MAGI3: variants seen among roughly 807,000 people sequenced by gnomAD.
The protein encoded by MAGI3 is membrane associated guanylate kinase, WW and PDZ domain containing 3.
MAGI3 carries 43 observed loss-of-function variants against 121.8 expected under a neutral mutation model. That is an observed-to-expected ratio of 0.35 (90% CI 0.28 to 0.46). The LOEUF (loss-of-function observed/expected upper bound fraction) is 0.46. Ranked by LOEUF, MAGI3 falls within the 20% of genes least tolerant of loss-of-function variation. MAGI3 has a pLI of 1.00. For missense variants in MAGI3, 1,547 were observed against 1,797.3 expected, an observed-to-expected ratio of 0.86 and a Z score of 2.52; for synonymous variants, 553 against 639.3, an observed-to-expected ratio of 0.86 and a Z score of 2.04.
intron 1 of MAGI3, among the ~76,000 whole-genome samples, chr1:113,407,717 G>C (rs1190691410): frequency 6.6e-6 from 1 of 152,016 alleles, no homozygotes; most frequent in African/African-American, 2.4e-5. Context: ...AGTTACTGGT[G>C]AATCTAGGAT....
intron 1 of MAGI3, among the ~76,000 whole-genome samples, chr1:113,447,753 C>T (rs538031709): frequency 6.6e-6 from 1 of 151,868 alleles, no homozygotes; most frequent in South Asian, 2.1e-4. Context: ...ACTTGGGAGG[C>T]AGAGACAGGA....
At chr1:113,494,334 A>G (rs1656814260) in intron 1 of MAGI3, among the ~76,000 whole-genome samples, 1 of 152,062 alleles carries the variant, frequency 6.6e-6, no homozygotes. Context: ...ACACGGGAAC[A>G]ACACACGCTG....
intron 9 of MAGI3, among the ~76,000 whole-genome samples, chr1:113,628,746 C>T (rs1388161969): frequency 1.3e-5 from 2 of 152,180 alleles, no homozygotes; most frequent in African/African-American, 4.8e-5. Context: ...CCACTCTCTC[C>T]TGCCCTGTAA....
In MAGI3 at chr1:113,531,015, TA is replaced by T. The variant is rs1221848962; in HGVS notation, c.317-18499del. Reference sequence around the variant, plus strand: ...TTAAATGCAGAAATATATGGTGTCATAGGGGCTAGAGACATAAACTGTACTC... The same window carrying T: ...TTAAATGCAGAAATATATGGTGTCATGGGGCTAGAGACATAAACTGTACTC... On this transcript the variant is annotated intron_variant, in intron 1 of 20. Transcript: ENST00000307546. 4.6e-5 allele frequency among the ~76,000 whole-genome samples: 7 copies of T among 152,326 alleles called. No individual in the cohort carries two copies. In the East Asian group the frequency reaches 1.2e-3, roughly 25 times the overall value.
chr1:113,588,300 T>G (rs1648499186), intron 4 of MAGI3, among the ~76,000 whole-genome samples: 1 of 152,162 alleles, frequency 6.6e-6, no homozygotes, highest in Non-Finnish European at 1.5e-5. Flanking sequence ...CCTAGAATAT[T>G]CAGGCAATAG....
chr1:113,519,906 A>G (rs1658093435), intron 1 of MAGI3, among the ~76,000 whole-genome samples: 1 of 152,232 alleles, frequency 6.6e-6, no homozygotes, highest in African/African-American at 2.4e-5. Context: ...AAAATCCAGA[A>G]TCCCAGGGGC....
At chr1:113,596,740 GTGT>G (rs963449156) in intron 6 of MAGI3, among the ~76,000 whole-genome samples, 2 of 151,832 alleles carry the variant, frequency 1.3e-5, no homozygotes, top group Admixed American at 1.3e-4. Flanking sequence ...TAATCATTAG[GTGT>G]TTTGCAAATT....
At position 113,683,434 on chromosome 1, in the gene MAGI3, CA is replaced by C. The variant is rs1233616145; in HGVS notation, c.3872del (p.Lys1291SerfsTer19). The C allele has an allele frequency of 2.5e-6, 4 of 1,613,628 alleles. No homozygotes were observed. Among genetic ancestry groups the C allele is most frequent in the African/African-American group, 1.3e-5 (1 of 74,824 alleles). On this transcript the variant is annotated frameshift_variant, in exon 21 of 21. Transcript: ENST00000307546. LOFTEE classifies it low-confidence loss of function (END_TRUNC). ...CRKSRGRSAS[P>X]KKQQKIEGSK... ...AAAAGCAGAGGTCGGTCGGCCAGCCCAAAAAAGCAGCAAAAAATTGAAGGAA... is the reference window on the plus strand; with the variant it reads ...AAAAGCAGAGGTCGGTCGGCCAGCCCAAAAAGCAGCAAAAAATTGAAGGAA...
intron 1 of MAGI3, among the ~76,000 whole-genome samples, chr1:113,462,941 C>G (rs1356958547): frequency 6.6e-6 from 1 of 152,010 alleles, no homozygotes; most frequent in African/African-American, 2.4e-5. Flanking sequence ...TGTAATATAT[C>G]TTAGATTTAT....
chr1:113,511,952 A>G (rs2101612425), intron 1 of MAGI3, among the ~76,000 whole-genome samples: 1 of 152,264 alleles, frequency 6.6e-6, no homozygotes, highest in Middle Eastern at 3.4e-3. Flanking sequence ...TATGATCTTT[A>G]CCTCTTCCCC....
At chr1:113,442,911 C>G (rs1047149088) in intron 1 of MAGI3, among the ~76,000 whole-genome samples, 2 of 152,056 alleles carry the variant, frequency 1.3e-5, no homozygotes, top group Non-Finnish European at 2.9e-5. Flanking sequence ...ATAAGATCCT[C>G]AAAATTTATA....
At chr1:113,497,031 G>A (rs1398409544) in intron 1 of MAGI3, among the ~76,000 whole-genome samples, 2 of 152,214 alleles carry the variant, frequency 1.3e-5, no homozygotes, top group Non-Finnish European at 2.9e-5. Context: ...GCAAAGGCAG[G>A]CAGATCACTT....
At chr1:113,641,723 A>G (rs889732702) in intron 9 of MAGI3, among the ~76,000 whole-genome samples, 188 bp from the exon 10 acceptor site, 1 of 151,998 alleles carries the variant, frequency 6.6e-6, no homozygotes, top group Non-Finnish European at 1.5e-5. Flanking sequence ...TTAGACATTT[A>G]TACATACATT....
intron 19 of MAGI3, among the ~76,000 whole-genome samples, chr1:113,676,351 A>G (rs1647864712): frequency 6.6e-6 from 1 of 152,162 alleles, no homozygotes; most frequent in South Asian, 2.1e-4. Flanking sequence ...GGGTTACTTG[A>G]GCCCAGGAGT....
At chr1:113,453,861 A>G (rs1187681349) in intron 1 of MAGI3, among the ~76,000 whole-genome samples, 1 of 152,248 alleles carries the variant, frequency 6.6e-6, no homozygotes, top group Admixed American at 6.5e-5. Flanking sequence ...ACGCAATCTG[A>G]TTTCAGAGCT....
At chr1:113,556,271 C>T (rs1026426403) in intron 2 of MAGI3, among the ~76,000 whole-genome samples, 2 of 152,216 alleles carry the variant, frequency 1.3e-5, no homozygotes, top group South Asian at 4.2e-4. Context: ...ATACAAAGCT[C>T]ATTCTTTGAG....
chr1:113,472,628 CCTT>C (rs1289205305), intron 1 of MAGI3, among the ~76,000 whole-genome samples: 1 of 148,624 alleles, frequency 6.7e-6, no homozygotes, highest in Non-Finnish European at 1.5e-5. Context: ...TGCTCTGATT[CCTT>C]CTTCTTTATG....
chr1:113,589,777 C>T (rs111303558), intron 4 of MAGI3, among the ~76,000 whole-genome samples: 2 of 151,996 alleles, frequency 1.3e-5, no homozygotes, highest in African/African-American at 2.4e-5. Context: ...TTTAAGTACA[C>T]GAATTGTGAA....
intron 1 of MAGI3, among the ~76,000 whole-genome samples, chr1:113,456,305 T>G (rs1183219938): frequency 1.3e-5 from 2 of 151,950 alleles, no homozygotes; most frequent in African/African-American, 4.8e-5. Context: ...ACCCATCCTC[T>G]CTCTCTCTCC....
Sources: allele counts gnomAD v4.1 joint callset (sites outside exome capture counted in the v4.1 genomes callset), GRCh38; gene constraint gnomAD v4.1.1; transcripts MANE v1.5; gene names NCBI Gene and HGNC (gene_info 2026-07-23, HGNC 2026-07-21).